Variants in C12orf42 observed in about 807,000 individuals in gnomAD.
The protein encoded by C12orf42 is chromosome 12 open reading frame 42, also known as uncharacterized protein C12orf42.
In C12orf42, 25 loss-of-function variants were observed where a neutral mutation model predicts 21.6. That is an observed-to-expected ratio of 1.16 (90% confidence interval 0.84 to 1.62). C12orf42 has a LOEUF of 1.62. C12orf42 is among the 40% of genes most tolerant of loss of function. C12orf42 has a pLI of 0.00. For synonymous variants in C12orf42, 174 were observed against 175.0 expected, an observed-to-expected ratio of 0.99 and a Z score of 0.05; for missense variants, 483 against 459.3, an observed-to-expected ratio of 1.05 and a Z score of -0.47.
At chr12:103,404,843 CA>C (rs1302503990) in intron 2 of C12orf42, among the ~76,000 whole-genome samples, 4 of 152,162 alleles carry the variant, frequency 2.6e-5, no homozygotes, top group Non-Finnish European at 4.4e-5. Context: ...GATGTGAAAA[CA>C]GGTGGTATGT....
chr12:103,396,983 T>C (rs1314587382), intron 3 of C12orf42, among the ~76,000 whole-genome samples: 1 of 152,220 alleles, frequency 6.6e-6, no homozygotes, highest in Non-Finnish European at 1.5e-5. Context: ...AGCTTTGACC[T>C]GGAATATATT....
the C12orf42 span, among the ~76,000 whole-genome samples, chr12:103,117,150 TGTAA>T: frequency 1.3e-5 from 2 of 152,234 alleles, no homozygotes; most frequent in South Asian, 2.1e-4. Flanking sequence ...CTTATCCAGC[TGTAA>T]GTTTGTTTTA....
chr12:103,058,336 G>A, the C12orf42 span, among the ~76,000 whole-genome samples: 4 of 151,858 alleles, frequency 2.6e-5, no homozygotes, highest in Non-Finnish European at 5.9e-5. Context: ...TTTTTTTCTT[G>A]TAAATTTGTT....
At chr12:103,209,369 A>C in the C12orf42 span, among the ~76,000 whole-genome samples, 1 of 152,230 alleles carries the variant, frequency 6.6e-6, no homozygotes, top group East Asian at 1.9e-4. Flanking sequence ...AGGAGACACA[A>C]CAGAGAACAA....
the C12orf42 span, among the ~76,000 whole-genome samples, chr12:103,197,891 A>G: frequency 2.0e-5 from 3 of 152,200 alleles, no homozygotes; most frequent in African/African-American, 7.2e-5. Flanking sequence ...GACCAGGCCC[A>G]TGGCTTTGTT....
the C12orf42 span, among the ~76,000 whole-genome samples, chr12:103,226,494 T>C: frequency 2.0e-5 from 3 of 152,120 alleles, no homozygotes; most frequent in Non-Finnish European, 2.9e-5. Context: ...TTATATTTGA[T>C]GAAAAAGAGC....
chr12:103,201,940 C>G, the C12orf42 span, among the ~76,000 whole-genome samples: 1 of 152,030 alleles, frequency 6.6e-6, no homozygotes, highest in East Asian at 1.9e-4. Flanking sequence ...CAAAAAAAAG[C>G]AAGAAATGTG....
chr12:103,538,132 G>A, the C12orf42 span, among the ~76,000 whole-genome samples: 1 of 152,178 alleles, frequency 6.6e-6, no homozygotes, highest in Non-Finnish European at 1.5e-5. Flanking sequence ...GGAGATTGTG[G>A]GGACAGAAGC....
At chr12:103,191,488 A>G in the C12orf42 span, among the ~76,000 whole-genome samples, 1 of 134,380 alleles carries the variant, frequency 7.4e-6, no homozygotes, top group East Asian at 2.3e-4. Flanking sequence ...CAGGCAGATT[A>G]CTTGAGTTCA....
chr12:103,132,017 G>A, the C12orf42 span, among the ~76,000 whole-genome samples: 8 of 152,134 alleles, frequency 5.3e-5, no homozygotes, highest in Non-Finnish European at 7.4e-5. Context: ...ACTTCAAACC[G>A]TCTATCAAGA....
the C12orf42 span, among the ~76,000 whole-genome samples, chr12:103,102,934 C>T: frequency 6.6e-6 from 1 of 152,138 alleles, no homozygotes; most frequent in Non-Finnish European, 1.5e-5. Flanking sequence ...TGGCCATCAA[C>T]TGGAGACCAC....
At chr12:103,217,207 G>A in the C12orf42 span, among the ~76,000 whole-genome samples, 2 of 152,196 alleles carry the variant, frequency 1.3e-5, no homozygotes, top group Non-Finnish European at 2.9e-5. Context: ...TTGAAGTGCT[G>A]AAACATGCTT....
downstream of C12orf42, among the ~76,000 whole-genome samples, chr12:103,267,125 T>C (rs1165841541): frequency 6.6e-6 from 1 of 152,112 alleles, no homozygotes; most frequent in Non-Finnish European, 1.5e-5. Context: ...CTTCACCCCC[T>C]GTGTAAATCC....
At chr12:103,129,784 C>A in the C12orf42 span, among the ~76,000 whole-genome samples, 1 of 152,166 alleles carries the variant, frequency 6.6e-6, no homozygotes, top group African/African-American at 2.4e-5. Context: ...ATCCTGCAAC[C>A]CAGCCTTTGG....
chr12:103,343,339 C>T (rs2042319346), intron 4 of C12orf42, among the ~76,000 whole-genome samples: 1 of 151,990 alleles, frequency 6.6e-6, no homozygotes, highest in Non-Finnish European at 1.5e-5. Flanking sequence ...AAATGGGAAA[C>T]CTGATGAAAT....
intron 4 of C12orf42, among the ~76,000 whole-genome samples, chr12:103,289,002 T>G (rs746161930): frequency 1.8e-4 from 28 of 152,180 alleles, no homozygotes; most frequent in Non-Finnish European, 1.3e-4. Context: ...TAGACATAAT[T>G]GGAACAAGGT....
intron 2 of C12orf42, among the ~76,000 whole-genome samples, chr12:103,462,641 G>C (rs1365512452): frequency 6.6e-6 from 1 of 152,116 alleles, no homozygotes; most frequent in African/African-American, 2.4e-5. Context: ...AACTGCATTG[G>C]AGAAATGTAT....
the C12orf42 span, among the ~76,000 whole-genome samples, chr12:103,163,186 G>C: frequency 4.9e-4 from 75 of 152,300 alleles, no homozygotes; most frequent in African/African-American, 1.8e-3. Flanking sequence ...ATCACATAAA[G>C]AAGTTTGTTC....
At chr12:103,225,851 G>A in the C12orf42 span, among the ~76,000 whole-genome samples, 2 of 152,144 alleles carry the variant, frequency 1.3e-5, no homozygotes, top group Non-Finnish European at 2.9e-5. Context: ...ATTAAGAAGG[G>A]GATGGGCTTA....
Sources: allele counts gnomAD v4.1 joint callset (sites outside exome capture counted in the v4.1 genomes callset), GRCh38; gene constraint gnomAD v4.1.1; transcripts MANE v1.5; gene names NCBI Gene and HGNC (gene_info 2026-07-23, HGNC 2026-07-21).